Variants in SRGAP1 observed in about 807,000 individuals in gnomAD.
SRGAP1 encodes SLIT-ROBO Rho GTPase-activating protein 1.
A neutral mutation model predicts 121.9 loss-of-function variants in SRGAP1; 43 were observed. That is an observed-to-expected ratio of 0.35 (90% CI 0.28 to 0.46). SRGAP1 has a LOEUF of 0.46. Among genes scored for constraint, SRGAP1 ranks in the 20% least tolerant of loss-of-function variants. SRGAP1 has a pLI of 1.00. For missense variants in SRGAP1, 1,102 were observed against 1,350.9 expected, an observed-to-expected ratio of 0.82 and a Z score of 2.89; for synonymous variants, 447 against 485.4, an observed-to-expected ratio of 0.92 and a Z score of 1.04.
rs112908570 is a variant in SRGAP1, at chr12:64,065,207, C to T, written c.1113C>T (p.Ile371=). The T allele has an allele frequency of 5.5e-4, 881 of 1,612,792 alleles. 5 individuals are homozygous for T. In the African/African-American group the frequency reaches 0.01, roughly 19 times the overall value. The change falls in exon 8 of 22, where the codon ATC becomes ATT. Residue 371 remains isoleucine (I), a synonymous_variant. Coordinates refer to ENST00000355086, the MANE Select transcript of SRGAP1 (RefSeq NM_020762.4). Reference sequence around the variant, plus strand: ...AGTCCCGCCTTGCCACGCTCAAAATCGAGAATGAAGAGGTGAGCATGCGTT... The same window carrying T: ...AGTCCCGCCTTGCCACGCTCAAAATTGAGAATGAAGAGGTGAGCATGCGTT... ...QLQSRLATLK[I]ENEEVKKTTE... is the part of the protein sequence containing the mutation.
In SRGAP1 at chr12:64,147,875, T is replaced by A. The variant is rs1298733181; in HGVS notation, c.*5203T>A. The A allele has an allele frequency of 5.1e-6, 2 of 392,980 alleles. No homozygotes were observed. The highest frequency in any genetic ancestry group is 4.1e-5 in the African/African-American group (2 of 48,536). 24.3% of individuals were successfully genotyped at this position (392,980 alleles called of 1,614,324 possible). A position where few individuals can be genotyped will look rare whatever the true frequency, so the allele number is the denominator to read the frequency against. ...CAGTTTGATGTGCATCTCTGTGGTG[T>A]CTTTGTTCCTTTCCTTTCATTCATC... On this transcript the variant is annotated 3_prime_UTR_variant, in exon 22 of 22. Coordinates refer to ENST00000355086, the MANE Select transcript of SRGAP1 (RefSeq NM_020762.4).
chr12:64,073,238 A>G (rs73319383), intron 8 of SRGAP1, among the ~76,000 whole-genome samples: 2,090 of 152,226 alleles, frequency 0.014, 34 homozygotes, highest in African/African-American at 0.036. Flanking sequence ...GATACTTCCA[A>G]ATTTAACCAT....
chr12:63,851,686 T>G, intron 1 of SRGAP1, among the ~76,000 whole-genome samples: 1 of 149,878 alleles, frequency 6.7e-6, no homozygotes, highest in East Asian at 2.1e-4. Context: ...CACATCAGCC[T>G]CCCAAGTAGC....
intron 1 of SRGAP1, among the ~76,000 whole-genome samples, chr12:63,932,222 A>G (rs1308488532): frequency 6.6e-6 from 1 of 152,206 alleles, no homozygotes; most frequent in Non-Finnish European, 1.5e-5. Context: ...CAGAGGTTTC[A>G]GTGAGCCGAG....
At chr12:63,976,859 C>G (rs921357641) in intron 1 of SRGAP1, among the ~76,000 whole-genome samples, 3 of 152,048 alleles carry the variant, frequency 2.0e-5, no homozygotes, top group African/African-American at 7.2e-5. Flanking sequence ...CCTTTCTGAC[C>G]TAGTCTGTGA....
intron 3 of SRGAP1, among the ~76,000 whole-genome samples, chr12:63,990,738 C>T (rs1028263926): frequency 2.0e-5 from 3 of 152,144 alleles, no homozygotes; most frequent in African/African-American, 7.2e-5. Flanking sequence ...AAAAATCAGA[C>T]CAGAGGGTAA....
At chr12:63,999,620 G>A (rs144829236) in intron 3 of SRGAP1, among the ~76,000 whole-genome samples, 1 of 152,266 alleles carries the variant, frequency 6.6e-6, no homozygotes, top group East Asian at 1.9e-4. Context: ...AGTTGTCAGG[G>A]TGATAGGCGT....
chr12:63,933,457 A>G (rs2031553121), intron 1 of SRGAP1, among the ~76,000 whole-genome samples: 1 of 152,170 alleles, frequency 6.6e-6, no homozygotes, highest in Non-Finnish European at 1.5e-5. Context: ...CATGGGGACT[A>G]TTAATGTCTA....
In SRGAP1 at chr12:64,055,342, G is replaced by T. The variant is rs527938139; in HGVS notation, c.802-7575G>T. Among the ~76,000 whole-genome samples, 1,331 of 146,614 alleles carry T rather than the reference G, an allele frequency of 9.1e-3. 13 individuals carry two copies. The highest frequency in any genetic ancestry group is 0.032 in the African/African-American group (1,235 of 39,164). ...AGGAGAACTACAAACCACTGCTCAA[G>T]GAAATAAAAGAGGATACAAACAAAT... is the stretch of plus-strand genomic sequence containing the variant. On this transcript the variant is annotated intron_variant, in intron 6 of 21. Transcript: ENST00000355086.
chr12:63,966,834 A>G (rs1460747453), intron 1 of SRGAP1, among the ~76,000 whole-genome samples: 1 of 152,162 alleles, frequency 6.6e-6, no homozygotes, highest in Non-Finnish European at 1.5e-5. Context: ...GTAATGGGTA[A>G]TGAGCTTGGT....
intron 21 of SRGAP1, 37 bp downstream of exon 21, chr12:64,128,237 C>T: frequency 1.3e-6 from 2 of 1,541,004 alleles, no homozygotes; most frequent in East Asian, 2.3e-5. Context: ...ATTTTAAGTA[C>T]CTAAGTGTGA....
intron 6 of SRGAP1, among the ~76,000 whole-genome samples, chr12:64,049,501 C>T (rs565377180): frequency 6.6e-6 from 1 of 152,290 alleles, no homozygotes; most frequent in East Asian, 1.9e-4. Context: ...CTTGTGAGAA[C>T]TCATTCAGTA....
chr12:63,989,855 T>C, intron 2 of SRGAP1, 55 bp from the exon 3 acceptor site: 1 of 1,468,082 alleles, frequency 6.8e-7, no homozygotes. Flanking sequence ...ACTTCACTCA[T>C]CTGATTGGGG....
chr12:63,967,575 A>T lies in SRGAP1; in HGVS notation c.68-16372A>T, dbSNP rs2032825244. Among the ~76,000 whole-genome samples, 6 of 152,316 alleles carry T rather than the reference A, an allele frequency of 3.9e-5. No individual in the cohort carries two copies. In the South Asian group the frequency reaches 1.2e-3, roughly 32 times the overall value. ...CTTTTCCTAGGGTTGGAGTTGCCTG[A>T]CAAAAGCACAGGTTGCTCTGGGAGA... On this transcript the variant is annotated intron_variant, in intron 1 of 21. Transcript: ENST00000355086.
Position 64,111,665 on chromosome 12 carries a change from G to C in SRGAP1, c.1920-97G>C. ...TTTGCTGAGCCAACTTAAAGTTGAA[G>C]TATCTTATTAAAGTATTGAAGTATC... On this transcript the variant is annotated intron_variant, in intron 16 of 21. Coordinates refer to ENST00000355086, the MANE Select transcript of SRGAP1 (RefSeq NM_020762.4). 3.8e-6 allele frequency: 4 copies of C among 1,047,570 alleles called. No individual in the cohort carries two copies. In the South Asian group the frequency reaches 8.3e-5, roughly 22 times the overall value. The allele number at this position is 1,047,570 out of a possible 1,614,324, so 64.9% of individuals were successfully genotyped here.
At chr12:64,038,208 G>C (rs2168411) in intron 4 of SRGAP1, among the ~76,000 whole-genome samples, 84,282 of 152,046 alleles carry the variant, frequency 0.55, 23,809 homozygotes, top group South Asian at 0.67. Flanking sequence ...ATGCTGAAAA[G>C]TATGTCTAGC....
chr12:63,946,970 A>G (rs982033740), intron 1 of SRGAP1, among the ~76,000 whole-genome samples: 1 of 152,000 alleles, frequency 6.6e-6, no homozygotes, highest in African/African-American at 2.4e-5. Flanking sequence ...TGCTGTATAT[A>G]TAGTTTCTTT....
chr12:64,155,048 C>A lies in SRGAP1; in HGVS notation c.*12376C>A, dbSNP rs2037153289. 1 of 151,528 alleles carries A rather than the reference C, an allele frequency of 6.6e-6. No individual in the cohort carries two copies. The highest frequency in any genetic ancestry group is 1.5e-5 in the Non-Finnish European group (1 of 67,874). 9.4% of individuals were successfully genotyped at this position (151,528 alleles called of 1,614,324 possible). ...TAAATATATATATTTTTTTCTTTTT[C>A]TTTTTCTTTTTTTTGAGACAGAGTC... On this transcript the variant is annotated 3_prime_UTR_variant, in exon 22 of 22. Coordinates refer to ENST00000355086, the MANE Select transcript of SRGAP1 (RefSeq NM_020762.4).
rs1045848921 is a variant in SRGAP1 at position 64,153,689 on chromosome 12, C to A, written c.*11017C>A. The A allele has an allele frequency of 1.3e-5, 2 of 152,116 alleles. No homozygotes were observed. The highest frequency in any genetic ancestry group is 2.9e-5 in the Non-Finnish European group (2 of 68,028). The allele number at this position is 152,116 out of a possible 1,614,324, so 9.4% of individuals were successfully genotyped here. On this transcript the variant is annotated 3_prime_UTR_variant, in exon 22 of 22. Coordinates refer to ENST00000355086, the MANE Select transcript of SRGAP1 (RefSeq NM_020762.4). ...TGGCCAGGGTGTAGAGAAACTGACACCCTTGTGCACTGTTGGTGGGAATGT... is the reference window on the plus strand; with the variant it reads ...TGGCCAGGGTGTAGAGAAACTGACAACCTTGTGCACTGTTGGTGGGAATGT...
Sources: allele counts gnomAD v4.1 joint callset (sites outside exome capture counted in the v4.1 genomes callset), GRCh38; gene constraint gnomAD v4.1.1; transcripts MANE v1.5; gene names NCBI Gene and HGNC (gene_info 2026-07-23, HGNC 2026-07-21).